RBFOX1: variants seen among roughly 807,000 people sequenced by gnomAD.
RBFOX1 encodes RNA binding fox-1 homolog 1, also known as RNA binding protein fox-1 homolog 1.
A neutral mutation model predicts 57.7 loss-of-function variants in RBFOX1; 8 were observed. The ratio of observed to expected loss-of-function variants is 0.14; its 90% CI spans 0.08 to 0.25. The LOEUF is 0.25. Among genes scored for constraint, RBFOX1 ranks in the 10% least tolerant of loss-of-function variants. The pLI is 1.00. For missense variants in RBFOX1, 611 were observed against 548.5 expected (o/e 1.11, Z -1.14); for synonymous variants, 326 against 222.4 (o/e 1.47, Z -4.15).
chr16:5,279,791 C>T (rs376579704), intron 1 of RBFOX1, among the ~76,000 whole-genome samples: 1 of 152,208 alleles, frequency 6.6e-6, no homozygotes, highest in Non-Finnish European at 1.5e-5. Context: ...CATGAGCCAC[C>T]TTGCGCAGCC....
At chr16:6,004,493 C>G (rs974609600) in intron 4 of RBFOX1, among the ~76,000 whole-genome samples, 1 of 152,176 alleles carries the variant, frequency 6.6e-6, no homozygotes, top group African/African-American at 2.4e-5. Context: ...TGATGCAATA[C>G]TTGGCATATC....
intron 4 of RBFOX1, among the ~76,000 whole-genome samples, chr16:7,168,547 A>G (rs1324784840): frequency 1.3e-5 from 2 of 152,186 alleles, no homozygotes; most frequent in Non-Finnish European, 2.9e-5. Context: ...AAGTTGCAGA[A>G]AAATGGCCAC....
intron 3 of RBFOX1, among the ~76,000 whole-genome samples, chr16:5,780,285 T>A: frequency 6.6e-6 from 1 of 152,230 alleles, no homozygotes; most frequent in East Asian, 1.9e-4. Flanking sequence ...TACAGGCGTG[T>A]GCCATTGCAC....
At chr16:7,444,706 A>G (rs1231264018) in intron 4 of RBFOX1, among the ~76,000 whole-genome samples, 5 of 151,994 alleles carry the variant, frequency 3.3e-5, no homozygotes, top group African/African-American at 1.2e-4. Flanking sequence ...TAATTTTTAC[A>G]TTATTTGTAG....
At chr16:6,611,841 C>T (rs2098061114) in intron 2 of RBFOX1, among the ~76,000 whole-genome samples, 1 of 152,074 alleles carries the variant, frequency 6.6e-6, no homozygotes, top group African/African-American at 2.4e-5. Flanking sequence ...GGCCCTGTCT[C>T]CCGCTGGGCA....
intron 1 of RBFOX1, among the ~76,000 whole-genome samples, chr16:5,248,699 G>A (rs2062366736): frequency 6.6e-6 from 1 of 152,142 alleles, no homozygotes; most frequent in African/African-American, 2.4e-5. Context: ...GGCAGAGTTA[G>A]GACAAGAGGG....
chr16:5,674,940 A>G (rs2050120721), intron 3 of RBFOX1, among the ~76,000 whole-genome samples: 1 of 152,116 alleles, frequency 6.6e-6, no homozygotes, highest in Admixed American at 6.6e-5. Context: ...CGATCCCAGG[A>G]GTTTGAAACC....
At chr16:6,332,259 A>T (rs1369997646) in intron 2 of RBFOX1, among the ~76,000 whole-genome samples, 1 of 152,208 alleles carries the variant, frequency 6.6e-6, no homozygotes, top group Non-Finnish European at 1.5e-5. Context: ...GGGAAGAGCT[A>T]AATTCGATCA....
At chr16:6,797,299 A>G (rs1222339116) in intron 3 of RBFOX1, among the ~76,000 whole-genome samples, 2 of 152,296 alleles carry the variant, frequency 1.3e-5, no homozygotes, top group Middle Eastern at 3.4e-3. Context: ...AGAAATCTCT[A>G]TACAAAGTTA....
intron 4 of RBFOX1, chr16:7,333,029 C>T (rs1364655588): frequency 3.1e-6 from 5 of 1,613,832 alleles, no homozygotes; most frequent in Non-Finnish European, 4.2e-6. Flanking sequence ...AGTTCTCCTG[C>T]ATCCTTATGG....
At chr16:6,315,740 A>G (rs965588083) in intron 1 of RBFOX1, among the ~76,000 whole-genome samples, 1 of 152,210 alleles carries the variant, frequency 6.6e-6, no homozygotes, top group Non-Finnish European at 1.5e-5. Context: ...CACCATTTCA[A>G]CCACTGAATA....
chr16:5,803,917 T>C (rs1938861648), intron 3 of RBFOX1, among the ~76,000 whole-genome samples: 1 of 152,200 alleles, frequency 6.6e-6, no homozygotes, highest in Admixed American at 6.5e-5. Context: ...CTGCTCTCTC[T>C]GCCTGGAATT....
chr16:7,457,070 A>G (rs1162493658), intron 4 of RBFOX1, among the ~76,000 whole-genome samples: 2 of 151,932 alleles, frequency 1.3e-5, no homozygotes, highest in Non-Finnish European at 2.9e-5. Flanking sequence ...TATTTTTAGT[A>G]GAGACGGGGT....
chr16:7,604,094 G>T (rs79897801), intron 9 of RBFOX1, among the ~76,000 whole-genome samples: 1 of 152,252 alleles, frequency 6.6e-6, no homozygotes, highest in East Asian at 1.9e-4. Context: ...TGGGGTATGA[G>T]GGTAAGAGAA....
At chr16:5,703,180 T>C (rs2051114438) in intron 3 of RBFOX1, among the ~76,000 whole-genome samples, 1 of 152,188 alleles carries the variant, frequency 6.6e-6, no homozygotes, top group Non-Finnish European at 1.5e-5. Flanking sequence ...GCAACTTTGC[T>C]ATGAAAGAGG....
chr16:7,336,463 T>A (rs1343660026), intron 4 of RBFOX1, among the ~76,000 whole-genome samples: 1 of 152,218 alleles, frequency 6.6e-6, no homozygotes, highest in East Asian at 1.9e-4. Flanking sequence ...TGGTTGATGG[T>A]GTAAATAGAG....
intron 1 of RBFOX1, among the ~76,000 whole-genome samples, chr16:5,327,783 C>G (rs1461752998): frequency 6.6e-6 from 1 of 152,194 alleles, no homozygotes; most frequent in African/African-American, 2.4e-5. Flanking sequence ...ATGAATTACA[C>G]AAAGATAATT....
chr16:6,732,128 A>G (rs147182735), intron 3 of RBFOX1, among the ~76,000 whole-genome samples: 1 of 151,968 alleles, frequency 6.6e-6, no homozygotes, highest in Non-Finnish European at 1.5e-5. Context: ...ATTCTTCTGC[A>G]TAGTTTCTGG....
chr16:6,332,725 T>G (rs1003690447), intron 2 of RBFOX1, among the ~76,000 whole-genome samples: 3 of 152,054 alleles, frequency 2.0e-5, no homozygotes, highest in Admixed American at 1.3e-4. Flanking sequence ...CCATTTAGTG[T>G]ATAGGAGTCT....
Sources: allele counts gnomAD v4.1 joint callset (sites outside exome capture counted in the v4.1 genomes callset), GRCh38; gene constraint gnomAD v4.1.1; transcripts MANE v1.5; gene names NCBI Gene and HGNC (gene_info 2026-07-23, HGNC 2026-07-21).